Variants in IGFL4 observed in about 807,000 individuals in gnomAD.
IGFL4 encodes IGF like family member 4.
Under a neutral mutation model 15.4 loss-of-function variants are expected in IGFL4, and 12 were observed. The ratio of observed to expected loss-of-function variants is 0.78; its 90% CI spans 0.50 to 1.26. The LOEUF is 1.26. IGFL4 is among the 50% of genes most tolerant of loss of function. The pLI is 0.00. For synonymous variants in IGFL4, 54 were observed against 55.9 expected (o/e 0.97, Z 0.16); for missense variants, 126 against 147.8 (o/e 0.85, Z 0.76).
intron 1 of IGFL4, among the ~76,000 whole-genome samples, chr19:46,072,824 T>A (rs1014604893): frequency 6.6e-6 from 1 of 152,092 alleles, no homozygotes; most frequent in African/African-American, 2.4e-5. Flanking sequence ...AGAGAAAATG[T>A]TGGCTTGGTG....
chr19:46,069,177 C>T (rs1379568229), intron 1 of IGFL4, among the ~76,000 whole-genome samples: 2 of 152,168 alleles, frequency 1.3e-5, no homozygotes, highest in Non-Finnish European at 2.9e-5. Flanking sequence ...CTAGAGCCCA[C>T]CTCAGAGGCC....
At chr19:46,048,396 C>G (rs1238578316) in intron 2 of IGFL4, among the ~76,000 whole-genome samples, 1 of 152,162 alleles carries the variant, frequency 6.6e-6, no homozygotes. Context: ...TCCTATTCAA[C>G]ATAGTATTGG....
intron 1 of IGFL4, among the ~76,000 whole-genome samples, chr19:46,068,624 CAG>C (rs1254289927): frequency 1.3e-5 from 2 of 152,182 alleles, no homozygotes. Context: ...GGTGCACACA[CAG>C]ATAGAATTGT....
intron 1 of IGFL4, among the ~76,000 whole-genome samples, chr19:46,072,029 G>GA (rs1369480806): frequency 6.6e-6 from 1 of 152,064 alleles, no homozygotes; most frequent in Non-Finnish European, 1.5e-5. Context: ...TCTCAAAACA[G>GA]AAAAAAATGA....
At position 46,040,612 on chromosome 19, in the gene IGFL4, G is replaced by A. The variant is rs1969232354; in HGVS notation, c.20-44C>T. Reference sequence around the variant, plus strand: ...GCGAGAATGATTCTGAGGTCACTAGGTCTTGACCACGGGGCACAGGATGAT... The same window carrying A: ...GCGAGAATGATTCTGAGGTCACTAGATCTTGACCACGGGGCACAGGATGAT... On this transcript the variant is annotated intron_variant, in intron 1 of 3. Transcript: ENST00000377697. This position sits in a 1 kb window ranked among gnomAD's most constrained non-coding sequence, Gnocchi z 4.1. 1.9e-6 allele frequency: 3 copies of A among 1,600,438 alleles called. No individual in the cohort carries two copies. The South Asian group carries it at 3.3e-5, about 18-fold the overall frequency.
At chr19:46,077,240 G>C (rs1375140519), upstream of IGFL4, 1 of 152,274 alleles carries the variant, frequency 6.6e-6, no homozygotes, top group Non-Finnish European at 1.5e-5. This position sits in a 1 kb window ranked among gnomAD's most constrained non-coding sequence, Gnocchi z 5.4. Context: ...TGCCAGCTGG[G>C]AGCAGAGGCG....
intron 1 of IGFL4, among the ~76,000 whole-genome samples, chr19:46,061,385 CA>C (rs1160371436): frequency 6.6e-6 from 1 of 151,826 alleles, no homozygotes; most frequent in Non-Finnish European, 1.5e-5. Flanking sequence ...ATTTTTAAAC[CA>C]ATTAATTAAA....
Position 46,040,047 on chromosome 19 carries a change from T to C in IGFL4, c.330+110A>G. On this transcript the variant is annotated intron_variant, in intron 3 of 3. Coordinates refer to ENST00000377697, the MANE Select transcript of IGFL4 (RefSeq NM_001002923.3). The surrounding 1 kb of genome is among the most constrained non-coding windows in gnomAD (Gnocchi z 4.1). ...ACAGAGTTGCATGGTTACTGAGAGA[T>C]GGGAAGGTATGGAACCCAGCAGAGA... The C allele has an allele frequency of 6.6e-7, 1 of 1,511,304 alleles. No individual in the cohort carries two copies. Among genetic ancestry groups the C allele is most frequent in the Non-Finnish European group, 9.2e-7 (1 of 1,088,154 alleles). The allele number at this position is 1,511,304 out of a possible 1,614,324, so 93.6% of individuals were successfully genotyped here. A position where few individuals can be genotyped will look rare whatever the true frequency, so the allele number is the denominator to read the frequency against.
At chr19:46,047,041 TAACA>T (rs1265024424) in intron 2 of IGFL4, among the ~76,000 whole-genome samples, 8 of 152,266 alleles carry the variant, frequency 5.3e-5, no homozygotes, top group South Asian at 2.1e-4. Context: ...ACTGAAGTCA[TAACA>T]AACAGTCTCT....
chr19:46,062,176 C>T (rs1447942497), intron 1 of IGFL4, among the ~76,000 whole-genome samples: 4 of 152,110 alleles, frequency 2.6e-5, no homozygotes, highest in African/African-American at 9.7e-5. Flanking sequence ...TTCTTATTAC[C>T]CAACTTTAGC....
chr19:46,044,099 C>CT, upstream of IGFL4, among the ~76,000 whole-genome samples: 1 of 152,252 alleles, frequency 6.6e-6, no homozygotes, highest in African/African-American at 2.4e-5. Flanking sequence ...ATGGGGACTC[C>CT]TGCCCCCAGC....
At chr19:46,067,411 C>G (rs73042285) in intron 1 of IGFL4, among the ~76,000 whole-genome samples, 1 of 152,080 alleles carries the variant, frequency 6.6e-6, no homozygotes, top group East Asian at 1.9e-4. Context: ...ATGCCTTCAC[C>G]TTCCTGGGTT....
In IGFL4 at chr19:46,040,544, A is replaced by G. The variant is rs527340842; in HGVS notation, c.44T>C (p.Leu15Ser). ...ISAAIFIFELLGSNSEGVTDL... is the reference protein window; with the variant it reads ...ISAAIFIFELSGSNSEGVTDL... Reference sequence around the variant, plus strand: ...TGTGACTCCTTCTGAGTTTGAACCCAAAAGTTCAAAAATGAAGATGGCAGC... The same window carrying G: ...TGTGACTCCTTCTGAGTTTGAACCCGAAAGTTCAAAAATGAAGATGGCAGC... Residue 15 changes from leucine (L) to serine (S), a missense_variant, in exon 2 of 4, where the codon TTG becomes TCG. Transcript: ENST00000377697. This position sits in a 1 kb window ranked among gnomAD's most constrained non-coding sequence, Gnocchi z 4.1. 1 of 1,614,078 alleles carries G rather than the reference A, an allele frequency of 6.2e-7. No homozygotes were observed. Among genetic ancestry groups the G allele is most frequent in the East Asian group, 2.2e-5 (1 of 44,886 alleles).
chr19:46,066,997 G>A (rs918634229), intron 1 of IGFL4, among the ~76,000 whole-genome samples: 4 of 152,228 alleles, frequency 2.6e-5, no homozygotes, highest in South Asian at 2.1e-4. Context: ...TGTCCAATCT[G>A]GTTCTCACTG....
At chr19:46,066,272 A>G (rs1279780428) in intron 1 of IGFL4, among the ~76,000 whole-genome samples, 14 of 152,232 alleles carry the variant, frequency 9.2e-5, no homozygotes, top group Non-Finnish European at 1.5e-5. Flanking sequence ...TAGTGTAAGT[A>G]TGTCCCAAGT....
At chr19:46,044,359 G>A (rs983284558), upstream of IGFL4, among the ~76,000 whole-genome samples, 5 of 152,124 alleles carry the variant, frequency 3.3e-5, no homozygotes, top group Non-Finnish European at 5.9e-5. Context: ...TTTCTATGAA[G>A]GGGGCTGAAT....
Position 46,039,296 on chromosome 19 carries a change from C to T in IGFL4, c.*596G>A, listed in dbSNP as rs1209014912. Reference sequence around the variant, plus strand: ...ACCATGCTGTTTTGGTTACTGTAGCCTTATAGTATAGTTTGAAGTCAGGTA... The same window carrying T: ...ACCATGCTGTTTTGGTTACTGTAGCTTTATAGTATAGTTTGAAGTCAGGTA... On this transcript the variant is annotated 3_prime_UTR_variant, in exon 4 of 4. Coordinates refer to ENST00000377697, the MANE Select transcript of IGFL4 (RefSeq NM_001002923.3). Among the ~76,000 whole-genome samples the T allele has an allele frequency of 1.4e-5, 2 of 144,080 alleles. No homozygotes were observed. Among genetic ancestry groups the T allele is most frequent in the African/African-American group, 2.6e-5 (1 of 38,406 alleles). 94.5% of individuals were successfully genotyped at this position (144,080 alleles called of 152,430 possible).
At chr19:46,065,120 C>T (rs1395508230) in intron 1 of IGFL4, among the ~76,000 whole-genome samples, 3 of 152,054 alleles carry the variant, frequency 2.0e-5, no homozygotes, top group African/African-American at 2.4e-5. Flanking sequence ...GATCTTTCAC[C>T]GATTCTTTTG....
At chr19:46,063,362 C>CACAT (rs1969464507) in intron 1 of IGFL4, among the ~76,000 whole-genome samples, 1 of 143,492 alleles carries the variant, frequency 7.0e-6, no homozygotes, top group African/African-American at 2.6e-5. Flanking sequence ...CACACACACA[C>CACAT]ACACATACAC....
Sources: gnomAD v4.1 joint callset for allele counts (sites outside exome capture counted in the v4.1 genomes callset) on GRCh38, gnomAD v4.1.1 for gene constraint, Gnocchi (gnomAD v3.1) non-coding constraint, MANE v1.5 for transcripts, NCBI Gene and HGNC (gene_info 2026-07-23, HGNC 2026-07-21) for gene names.